Variants in XKR6 observed in about 807,000 individuals in gnomAD.
XKR6 encodes the protein XK-related protein 6.
A neutral mutation model predicts 56.7 loss-of-function variants in XKR6; 22 were observed. That is an observed-to-expected ratio of 0.39 (90% CI 0.28 to 0.55). XKR6 has a LOEUF of 0.55. Ranked by LOEUF, XKR6 falls within the 20% of genes least tolerant of loss-of-function variation. XKR6 has a pLI of 0.66. For missense variants in XKR6, 852 were observed against 889.0 expected (o/e 0.96, Z 0.53); for synonymous variants, 524 against 387.8 (o/e 1.35, Z -4.13).
chr8:11,198,903 A>C (rs12547627), intron 1 of XKR6, among the ~76,000 whole-genome samples: 33,771 of 149,838 alleles, frequency 0.23, 5,943 homozygotes, highest in African/African-American at 0.5. Flanking sequence ...CCAGAAAACA[A>C]CCCCCAGCCC....
chr8:11,083,007 C>T (rs1025684408), intron 1 of XKR6, among the ~76,000 whole-genome samples: 1 of 152,234 alleles, frequency 6.6e-6, no homozygotes, highest in Non-Finnish European at 1.5e-5. Flanking sequence ...CCTTTCTGCA[C>T]AGGCAGCGCA....
chr8:11,145,445 G>T, intron 1 of XKR6, among the ~76,000 whole-genome samples: 1 of 151,972 alleles, frequency 6.6e-6, no homozygotes, highest in South Asian at 2.1e-4. Flanking sequence ...AAACTTATTT[G>T]TAGATGACAT....
chr8:11,108,385 G>C (rs1165672853), intron 1 of XKR6: 1 of 454,922 alleles, frequency 2.2e-6, no homozygotes, highest in East Asian at 7.0e-5. Flanking sequence ...CTGTAAATCT[G>C]ATACCCCAAG....
chr8:11,124,011 T>G (rs1164981351), intron 1 of XKR6: 3 of 455,994 alleles, frequency 6.6e-6, no homozygotes, highest in Non-Finnish European at 1.3e-5. Context: ...CAGTCCTGTC[T>G]CTTCATCAAA....
At chr8:11,116,590 C>T (rs538649049) in intron 1 of XKR6, among the ~76,000 whole-genome samples, 2 of 152,238 alleles carry the variant, frequency 1.3e-5, no homozygotes, top group Non-Finnish European at 2.9e-5. Flanking sequence ...AGGCTGGTCT[C>T]GCACTCCTGA....
intron 1 of XKR6, among the ~76,000 whole-genome samples, chr8:11,097,283 C>T (rs1391259951): frequency 1.3e-5 from 2 of 152,032 alleles, no homozygotes; most frequent in African/African-American, 4.8e-5. Flanking sequence ...TTCGTCACAC[C>T]CTCCCACTCA....
intron 1 of XKR6, among the ~76,000 whole-genome samples, chr8:11,114,283 G>T (rs1029282804): frequency 6.6e-6 from 1 of 152,114 alleles, no homozygotes; most frequent in African/African-American, 2.4e-5. Flanking sequence ...GCTGGGTATC[G>T]TAACAACTGA....
intron 2 of XKR6, among the ~76,000 whole-genome samples, chr8:10,916,662 C>G (rs959795793): frequency 3.3e-5 from 5 of 152,274 alleles, no homozygotes; most frequent in African/African-American, 1.2e-4. Context: ...GCCAGGGAGA[C>G]AGAGCAGTGG....
intron 1 of XKR6, among the ~76,000 whole-genome samples, chr8:10,984,598 A>T (rs1252641674): frequency 6.6e-6 from 1 of 151,542 alleles, no homozygotes; most frequent in Non-Finnish European, 1.5e-5. Flanking sequence ...AAGGAATATG[A>T]CTAGATTGCA....
chr8:11,125,380 T>C (rs1047961724), intron 1 of XKR6, among the ~76,000 whole-genome samples: 1 of 152,010 alleles, frequency 6.6e-6, no homozygotes, highest in Admixed American at 6.5e-5. Flanking sequence ...TGTGCTCAGG[T>C]TATTGATTTT....
At chr8:11,123,965 T>G (rs1463698477) in intron 1 of XKR6, 3 of 456,186 alleles carry the variant, frequency 6.6e-6, no homozygotes, top group African/African-American at 2.0e-5. Flanking sequence ...CAGTGCTACC[T>G]GCTCAGAGGC....
chr8:10,996,838 C>A (rs1798124570), intron 1 of XKR6, among the ~76,000 whole-genome samples: 1 of 152,132 alleles, frequency 6.6e-6, no homozygotes. Context: ...CATAGTGGCA[C>A]ATGCCTATAG....
intron 1 of XKR6, chr8:11,137,468 G>C: frequency 2.3e-6 from 1 of 431,742 alleles, no homozygotes; most frequent in Non-Finnish European, 4.6e-6. Context: ...CAGCCGACAC[G>C]GAAGTCTTAT....
chr8:11,126,791 G>A (rs1799820895), intron 1 of XKR6, among the ~76,000 whole-genome samples: 1 of 152,090 alleles, frequency 6.6e-6, no homozygotes, highest in African/African-American at 2.4e-5. Flanking sequence ...TAACCTCAGA[G>A]ACCAGGAGAT....
At chr8:10,969,942 G>T (rs2129133549) in intron 1 of XKR6, among the ~76,000 whole-genome samples, 1 of 152,366 alleles carries the variant, frequency 6.6e-6, no homozygotes, top group South Asian at 2.1e-4. Flanking sequence ...AAGCTCCCAT[G>T]TGGGGTCTCT....
At chr8:10,911,034 G>A (rs1431669350) in intron 2 of XKR6, among the ~76,000 whole-genome samples, 1 of 152,174 alleles carries the variant, frequency 6.6e-6, no homozygotes, top group East Asian at 1.9e-4. Context: ...CAGAGGCAGT[G>A]AGATGCTCTG....
intron 2 of XKR6, among the ~76,000 whole-genome samples, chr8:10,919,639 A>T (rs1234934138): frequency 6.6e-6 from 1 of 152,220 alleles, no homozygotes; most frequent in Non-Finnish European, 1.5e-5. Flanking sequence ...AGATGAGGAA[A>T]CTTAGGAAAG....
intron 1 of XKR6, among the ~76,000 whole-genome samples, chr8:11,040,993 G>A (rs113008791): frequency 3.1e-4 from 47 of 152,134 alleles, no homozygotes; most frequent in African/African-American, 9.2e-4. Context: ...CATCTCCTCC[G>A]TGCTAGGTGG....
At chr8:10,910,822 T>G (rs2129110158) in intron 2 of XKR6, among the ~76,000 whole-genome samples, 1 of 152,290 alleles carries the variant, frequency 6.6e-6, no homozygotes, top group Admixed American at 6.5e-5. Context: ...AAAGGCAAAC[T>G]TTAGAGATTC....
Sources: allele counts gnomAD v4.1 joint callset (sites outside exome capture counted in the v4.1 genomes callset), GRCh38; gene constraint gnomAD v4.1.1; transcripts MANE v1.5; gene names NCBI Gene and HGNC (gene_info 2026-07-23, HGNC 2026-07-21).